Variants in CPB2 observed in about 807,000 individuals in gnomAD.
CPB2 encodes the protein carboxypeptidase B-like protein.
Under a neutral mutation model 57.0 loss-of-function variants are expected in CPB2, and 54 were observed. That is an observed-to-expected ratio of 0.95 (90% CI 0.76 to 1.19). The LOEUF (loss-of-function observed/expected upper bound fraction) is 1.19, where lower values mean the gene tolerates loss of function less well. Ranked by LOEUF, CPB2 falls within the 50% of genes most tolerant of loss-of-function variation. The probability of loss-of-function intolerance (pLI) is 0.00; values close to 1 mark genes in which losing one functional copy is unlikely to be tolerated. For missense variants in CPB2, 426 were observed against 512.0 expected, an observed-to-expected ratio of 0.83 and a Z score of 1.62; for synonymous variants, 189 against 178.1, an observed-to-expected ratio of 1.06 and a Z score of -0.49.
intron 8 of CPB2, among the ~76,000 whole-genome samples, chr13:46,062,152 A>G (rs1436957237): frequency 6.6e-6 from 1 of 152,072 alleles, no homozygotes; most frequent in East Asian, 1.9e-4. Context: ...CTTGATGACA[A>G]TAACAGAATA....
At position 46,102,191 on chromosome 13, in the gene CPB2, C is replaced by G. The variant is rs373320775; in HGVS notation, c.74+2745G>C. 2.4e-4 allele frequency among the ~76,000 whole-genome samples: 37 copies of G among 152,356 alleles called. 1 individual carries two copies. In the South Asian group the frequency reaches 4.1e-3, roughly 17 times the overall value. ...GCCCTTTATCCTCAACCCTCCTCCA[C>G]TCTCTAATTCCTAAGTCTTCTTCCT... On this transcript the variant is annotated intron_variant, in intron 1 of 10. Coordinates refer to ENST00000181383, the MANE Select transcript of CPB2 (RefSeq NM_001872.5).
intron 6 of CPB2, among the ~76,000 whole-genome samples, chr13:46,070,032 C>G (rs2044915402): frequency 1.3e-5 from 2 of 152,152 alleles, no homozygotes; most frequent in Admixed American, 6.5e-5. Flanking sequence ...CTGCAATATA[C>G]AATGACTTCA....
chr13:46,076,909 C>T (rs966807319), intron 5 of CPB2, among the ~76,000 whole-genome samples: 10 of 152,056 alleles, frequency 6.6e-5, no homozygotes, highest in Non-Finnish European at 8.8e-5. Context: ...GCCTATCTCT[C>T]GCCTTATATA....
intron 1 of CPB2, 57 bp from the exon 2 acceptor site, chr13:46,087,877 T>C: frequency 8.4e-7 from 1 of 1,187,162 alleles, no homozygotes; most frequent in Non-Finnish European, 1.2e-6. Context: ...AGATGGAATA[T>C]ATTATACTGT....
intron 10 of CPB2, 51 bp downstream of exon 10, chr13:46,055,711 G>T: frequency 1.8e-6 from 2 of 1,095,340 alleles, no homozygotes; most frequent in Non-Finnish European, 2.7e-6. Context: ...AGATCACACA[G>T]ATTTCTTTAG....
At chr13:46,087,214 G>C (rs1387119812) in intron 2 of CPB2, among the ~76,000 whole-genome samples, 4 of 152,226 alleles carry the variant, frequency 2.6e-5, no homozygotes, top group African/African-American at 7.2e-5. Flanking sequence ...ATCACAGAAG[G>C]GGGCGGGACT....
At chr13:46,075,398 A>G (rs919240589) in intron 5 of CPB2, among the ~76,000 whole-genome samples, 3 of 152,246 alleles carry the variant, frequency 2.0e-5, no homozygotes, top group African/African-American at 7.2e-5. Flanking sequence ...GCAAAATCCC[A>G]GAGACTCACA....
At chr13:46,062,025 G>GTTTTTTT (rs5803326) in intron 8 of CPB2, among the ~76,000 whole-genome samples, 1 of 124,492 alleles carries the variant, frequency 8.0e-6, no homozygotes. Context: ...TTTTTATTTG[G>GTTTTTTT]TTTTTTTTTT....
intron 3 of CPB2, 27 bp downstream of exon 3, chr13:46,084,192 A>T (rs1349985272): frequency 6.2e-7 from 1 of 1,612,758 alleles, no homozygotes; most frequent in African/African-American, 1.3e-5. Flanking sequence ...TATAATAACT[A>T]CTCAATACGT....
chr13:46,058,405 A>T (rs1244245745), intron 8 of CPB2, 24 bp from the exon 9 acceptor site: 8 of 1,602,200 alleles, frequency 5.0e-6, no homozygotes, highest in Non-Finnish European at 6.8e-6. Flanking sequence ...GTTAAGGTGA[A>T]ATTATGAGGG....
chr13:46,059,908 C>T (rs1292540821), intron 8 of CPB2, among the ~76,000 whole-genome samples: 1 of 152,140 alleles, frequency 6.6e-6, no homozygotes, highest in African/African-American at 2.4e-5. Flanking sequence ...AAGGTCTTCC[C>T]AAGTATTTCA....
intron 8 of CPB2, among the ~76,000 whole-genome samples, chr13:46,061,592 A>G (rs1485878148): frequency 6.6e-6 from 1 of 152,222 alleles, no homozygotes; most frequent in Non-Finnish European, 1.5e-5. Flanking sequence ...GAAGGCAGCC[A>G]TCTACAAGCC....
intron 1 of CPB2, among the ~76,000 whole-genome samples, 188 bp from the exon 2 acceptor site, chr13:46,088,008 C>T (rs1325370774): frequency 6.6e-6 from 1 of 152,182 alleles, no homozygotes; most frequent in African/African-American, 2.4e-5. Flanking sequence ...TGCTCCTAAG[C>T]AATTGCAAAA....
Position 46,075,721 on chromosome 13 carries a change from ATT to A in CPB2, c.487-1746_487-1745del, listed in dbSNP as rs2045012491. ...TGACTGAAGAGGCTCACCTATCACA[ATT>A]TAGATAATATTGGGATACTGTGCAT... On this transcript the variant is annotated intron_variant, in intron 5 of 10. Transcript: ENST00000181383. Among the ~76,000 whole-genome samples, 8 of 152,344 alleles carry A rather than the reference ATT, an allele frequency of 5.3e-5. No homozygotes were observed. The South Asian group carries it at 1.7e-3, about 32-fold the overall frequency.
intron 1 of CPB2, among the ~76,000 whole-genome samples, chr13:46,090,362 CTT>C (rs11458090): frequency 1.4e-4 from 18 of 125,752 alleles, no homozygotes; most frequent in Admixed American, 1.7e-4. Flanking sequence ...TTTGTCTATT[CTT>C]TTTTTTTTTT....
At chr13:46,067,475 T>C in intron 6 of CPB2, 58 bp from the exon 7 acceptor site, 1 of 871,390 alleles carries the variant, frequency 1.1e-6, no homozygotes, top group Non-Finnish European at 1.9e-6. Context: ...AAACTTAGTG[T>C]GTTTCTTTTT....
intron 1 of CPB2, among the ~76,000 whole-genome samples, chr13:46,103,209 G>A (rs920663784): frequency 6.6e-6 from 1 of 152,230 alleles, no homozygotes; most frequent in Non-Finnish European, 1.5e-5. Context: ...ATGGCGGTCT[G>A]CAGTGAGCCC....
intron 1 of CPB2, among the ~76,000 whole-genome samples, chr13:46,103,642 A>G (rs916007422): frequency 1.4e-4 from 21 of 152,252 alleles, no homozygotes; most frequent in Non-Finnish European, 1.5e-5. Flanking sequence ...TGACTAGTTC[A>G]GTGCCTGGCA....
At chr13:46,058,674 T>C (rs906456114) in intron 8 of CPB2, among the ~76,000 whole-genome samples, 3 of 152,344 alleles carry the variant, frequency 2.0e-5, no homozygotes, top group Admixed American at 2.0e-4. Flanking sequence ...TCCAGACTTA[T>C]GGTTATGGGA....
Sources: gnomAD v4.1 joint callset for allele counts (sites outside exome capture counted in the v4.1 genomes callset) on GRCh38, gnomAD v4.1.1 for gene constraint, MANE v1.5 for transcripts, NCBI Gene and HGNC (gene_info 2026-07-23, HGNC 2026-07-21) for gene names.